Variants in IL36B observed in about 807,000 individuals in gnomAD.
IL36B encodes interleukin 36 beta, also known as interleukin-36 beta.
Under a neutral mutation model 19.3 loss-of-function variants are expected in IL36B, and 23 were observed. The observed-to-expected ratio is 1.19, with a 90% CI of 0.86 to 1.69. The LOEUF (loss-of-function observed/expected upper bound fraction) is 1.69. Among genes scored for constraint, IL36B ranks in the 40% most tolerant of loss-of-function variants. IL36B has a pLI of 0.00. For missense variants in IL36B, 217 were observed against 200.5 expected, an observed-to-expected ratio of 1.08 and a Z score of -0.50; for synonymous variants, 59 against 59.7, an observed-to-expected ratio of 0.99 and a Z score of 0.05.
chr2:113,030,244 G>A (rs931167325), intron 3 of IL36B, among the ~76,000 whole-genome samples: 2 of 151,870 alleles, frequency 1.3e-5, no homozygotes, highest in African/African-American at 4.8e-5. Context: ...AAAAAAAAAG[G>A]GAGAAGATGT....
intron 1 of IL36B, among the ~76,000 whole-genome samples, chr2:113,032,526 G>A (rs1685095046): frequency 6.6e-6 from 1 of 152,160 alleles, no homozygotes. Flanking sequence ...TCACCAACCT[G>A]CACCCTTGTA....
intron 1 of IL36B, among the ~76,000 whole-genome samples, chr2:113,046,358 C>T (rs377452992): frequency 3.3e-5 from 5 of 151,906 alleles, no homozygotes; most frequent in South Asian, 2.1e-4. Flanking sequence ...TACAGACTCC[C>T]GCCACCACGC....
At chr2:113,044,968 C>T (rs1685324795) in intron 1 of IL36B, among the ~76,000 whole-genome samples, 1 of 152,076 alleles carries the variant, frequency 6.6e-6, no homozygotes, top group African/African-American at 2.4e-5. Context: ...CATTTCTCCC[C>T]TCCTAAACCA....
intron 4 of IL36B, 46 bp from the exon 5 acceptor site, chr2:113,028,161 A>G (rs1573365882): frequency 6.7e-7 from 1 of 1,487,632 alleles, no homozygotes; most frequent in South Asian, 1.1e-5. Flanking sequence ...TAGGAGGAGG[A>G]AGCTAAAGTA....
At chr2:113,034,806 T>C (rs1013607381) in intron 1 of IL36B, among the ~76,000 whole-genome samples, 1 of 152,162 alleles carries the variant, frequency 6.6e-6, no homozygotes, top group Admixed American at 6.5e-5. Context: ...CCCAAGAGAA[T>C]CACTCAAACA....
intron 4 of IL36B, 115 bp from the exon 5 acceptor site, chr2:113,028,230 G>A: frequency 2.5e-6 from 2 of 807,470 alleles, no homozygotes; most frequent in East Asian, 2.5e-5. Context: ...AGGGACAGAG[G>A]CTAGGGACAA....
At chr2:113,039,562 G>C (rs909266472) in intron 1 of IL36B, among the ~76,000 whole-genome samples, 4 of 152,060 alleles carry the variant, frequency 2.6e-5, no homozygotes, top group African/African-American at 9.7e-5. Flanking sequence ...TTCCAAACTA[G>C]AGGGGAGGAT....
At chr2:113,046,139 C>T in intron 1 of IL36B, among the ~76,000 whole-genome samples, 1 of 151,340 alleles carries the variant, frequency 6.6e-6, no homozygotes. Context: ...ATACATGTTA[C>T]AATGAATACA....
intron 1 of IL36B, 28 bp from the exon 2 acceptor site, chr2:113,031,794 G>C: frequency 1.9e-6 from 2 of 1,069,090 alleles, no homozygotes; most frequent in Non-Finnish European, 2.8e-6. Context: ...TGTGAGAGAA[G>C]GAGAGAAGAA....
At chr2:113,052,232 G>A (rs974339129) in intron 1 of IL36B, among the ~76,000 whole-genome samples, 1 of 152,100 alleles carries the variant, frequency 6.6e-6, no homozygotes, top group Non-Finnish European at 1.5e-5. Context: ...TTACAGGTGC[G>A]AGCCACTGCA....
intron 1 of IL36B, among the ~76,000 whole-genome samples, chr2:113,037,265 T>G (rs1685181200): frequency 6.6e-6 from 1 of 152,230 alleles, no homozygotes; most frequent in Non-Finnish European, 1.5e-5. Flanking sequence ...TTCCTGTTAC[T>G]TGGAGTTCAA....
At chr2:113,039,502 G>A (rs964376002) in intron 1 of IL36B, among the ~76,000 whole-genome samples, 2 of 152,112 alleles carry the variant, frequency 1.3e-5, no homozygotes, top group Non-Finnish European at 2.9e-5. Context: ...AAGAGGCCTA[G>A]AAATAAATAT....
intron 1 of IL36B, among the ~76,000 whole-genome samples, chr2:113,045,175 T>C (rs1208386335): frequency 6.6e-6 from 1 of 152,224 alleles, no homozygotes; most frequent in Non-Finnish European, 1.5e-5. Context: ...TATTATTTTC[T>C]TTCTGTGTGT....
Position 113,034,743 on chromosome 2 carries a change from C to T in IL36B, c.-57-2977G>A, listed in dbSNP as rs72944566. 2.1e-3 allele frequency among the ~76,000 whole-genome samples: 318 copies of T among 152,330 alleles called. 3 individuals carry two copies. Among genetic ancestry groups the T allele is most frequent in the African/African-American group, 7.0e-3 (293 of 41,576 alleles). On this transcript the variant is annotated intron_variant, in intron 1 of 5. Coordinates refer to ENST00000259213, the MANE Select transcript of IL36B (RefSeq NM_014438.5). ...CTTGTGGTGAGAGGTGAGTTCTTGA[C>T]CTCCTCATGGAGAAGGGCCAGGGGA...
intron 1 of IL36B, among the ~76,000 whole-genome samples, chr2:113,044,840 A>T (rs1161986662): frequency 6.6e-6 from 1 of 152,044 alleles, no homozygotes; most frequent in Non-Finnish European, 1.5e-5. Context: ...ATTCAATTTT[A>T]TCTCCTCTGT....
chr2:113,038,870 T>C (rs1685200624), intron 1 of IL36B, among the ~76,000 whole-genome samples: 1 of 152,220 alleles, frequency 6.6e-6, no homozygotes, highest in Non-Finnish European at 1.5e-5. Flanking sequence ...GGAGAGAGGC[T>C]GTCCTCTCAA....
chr2:113,029,149 G>C, intron 3 of IL36B, 71 bp from the exon 4 acceptor site: 23 of 1,468,082 alleles, frequency 1.6e-5, no homozygotes, highest in Non-Finnish European at 2.1e-5. Context: ...CTCCCCCCAG[G>C]TAGGGAATAG....
At chr2:113,038,372 C>G (rs938201953) in intron 1 of IL36B, among the ~76,000 whole-genome samples, 32 of 152,238 alleles carry the variant, frequency 2.1e-4, no homozygotes, top group Non-Finnish European at 4.4e-5. Context: ...TCCTGTGCCA[C>G]TTCTATTTCT....
intron 5 of IL36B, chr2:113,025,992 G>T: frequency 6.7e-7 from 1 of 1,485,584 alleles, no homozygotes; most frequent in Non-Finnish European, 9.0e-7. Flanking sequence ...ACTTAGACCT[G>T]CCATGGGTGA....
Sources: allele counts gnomAD v4.1 joint callset (sites outside exome capture counted in the v4.1 genomes callset), GRCh38; gene constraint gnomAD v4.1.1; transcripts MANE v1.5; gene names NCBI Gene and HGNC (gene_info 2026-07-23, HGNC 2026-07-21).